The following SEMA6A variants were observed in gnomAD, a reference collection of about 807,000 sequenced individuals.
The protein encoded by SEMA6A is semaphorin-6A.
Under a neutral mutation model 96.8 loss-of-function variants are expected in SEMA6A, and 25 were observed. The observed-to-expected ratio is 0.26, with a 90% confidence interval of 0.19 to 0.36. SEMA6A has a LOEUF of 0.36. SEMA6A is among the 10% of genes least tolerant of loss of function. The pLI is 1.00. For missense variants in SEMA6A, 1,363 were observed against 1,323.1 expected, an observed-to-expected ratio of 1.03 and a Z score of -0.47; for synonymous variants, 612 against 518.0, an observed-to-expected ratio of 1.18 and a Z score of -2.46.
intron 1 of SEMA6A, among the ~76,000 whole-genome samples, chr5:116,519,831 A>G (rs888810846): frequency 6.6e-6 from 1 of 152,256 alleles, no homozygotes; most frequent in Non-Finnish European, 1.5e-5. Context: ...TGTTCTACCT[A>G]CAATCCTCTT....
intron 1 of SEMA6A, among the ~76,000 whole-genome samples, chr5:116,529,296 T>A (rs1331958144): frequency 6.6e-6 from 1 of 152,144 alleles, no homozygotes. Flanking sequence ...AAAGTACAGC[T>A]AGATAGGAGG....
intron 7 of SEMA6A, among the ~76,000 whole-genome samples, chr5:116,489,434 C>A (rs1188590827): frequency 6.6e-6 from 1 of 152,054 alleles, no homozygotes; most frequent in Non-Finnish European, 1.5e-5. Flanking sequence ...AAATTTTAGG[C>A]ACATGCATAA....
chr5:116,474,236 T>C (rs1049743800), intron 16 of SEMA6A, among the ~76,000 whole-genome samples: 1 of 151,624 alleles, frequency 6.6e-6, no homozygotes, highest in African/African-American at 2.4e-5. Context: ...AAATAGCTCA[T>C]TAACATCAGC....
intron 11 of SEMA6A, among the ~76,000 whole-genome samples, chr5:116,481,330 A>T (rs578006930): frequency 6.6e-6 from 1 of 152,264 alleles, no homozygotes; most frequent in South Asian, 2.1e-4. Flanking sequence ...ATCTAGAACT[A>T]TCTAGAAGGT....
chr5:116,540,209 A>G (rs1300854145), intron 1 of SEMA6A, among the ~76,000 whole-genome samples: 2 of 152,246 alleles, frequency 1.3e-5, no homozygotes, highest in Admixed American at 6.5e-5. Flanking sequence ...ATAAAACAGT[A>G]TATTTTAAAT....
chr5:116,492,681 T>A (rs1757385396), intron 6 of SEMA6A, among the ~76,000 whole-genome samples: 1 of 152,232 alleles, frequency 6.6e-6, no homozygotes, highest in Admixed American at 6.5e-5. Flanking sequence ...TTCTAACACA[T>A]TCAGCTTACT....
Position 116,445,963 on chromosome 5 carries a change from A to T in SEMA6A, c.*650T>A, listed in dbSNP as rs1341936335. 1 of 152,672 alleles carries T rather than the reference A, an allele frequency of 6.5e-6. No individual in the cohort carries two copies. The highest frequency in any genetic ancestry group is 1.5e-5 in the Non-Finnish European group (1 of 68,050). 9.5% of individuals were successfully genotyped at this position (152,672 alleles called of 1,614,324 possible). A position where few individuals can be genotyped will look rare whatever the true frequency, so the allele number is the denominator to read the frequency against. On this transcript the variant is annotated 3_prime_UTR_variant, in exon 19 of 19. Coordinates refer to ENST00000343348, the MANE Select transcript of SEMA6A (RefSeq NM_020796.5). ...CGTTATTTCATTAAAAGAGAGGAGGAGCAGAAATCTATGACATAGTTGCCC... is the reference window on the plus strand; with the variant it reads ...CGTTATTTCATTAAAAGAGAGGAGGTGCAGAAATCTATGACATAGTTGCCC...
chr5:116,477,246 A>G (rs1456593993), intron 15 of SEMA6A, among the ~76,000 whole-genome samples: 1 of 151,832 alleles, frequency 6.6e-6, no homozygotes, highest in Non-Finnish European at 1.5e-5. Context: ...CAGGGTAACA[A>G]TTTTAAACAC....
intron 1 of SEMA6A, among the ~76,000 whole-genome samples, chr5:116,537,794 G>C (rs1353994757): frequency 6.6e-6 from 1 of 151,996 alleles, no homozygotes; most frequent in Non-Finnish European, 1.5e-5. Flanking sequence ...AACCATATAA[G>C]TATGCAAGTA....
intron 1 of SEMA6A, among the ~76,000 whole-genome samples, chr5:116,527,600 A>G (rs1331335894): frequency 6.6e-6 from 1 of 152,238 alleles, no homozygotes; most frequent in Middle Eastern, 3.2e-3. Flanking sequence ...GCTGGGAGAA[A>G]GAAGTCGGTA....
chr5:116,521,929 G>T (rs1561514605), intron 1 of SEMA6A, among the ~76,000 whole-genome samples: 2 of 152,152 alleles, frequency 1.3e-5, no homozygotes, highest in Admixed American at 1.3e-4. Flanking sequence ...GAAATGGCTT[G>T]TTTAGGCAAC....
chr5:116,474,571 G>C (rs1756356461), intron 16 of SEMA6A, among the ~76,000 whole-genome samples: 1 of 152,126 alleles, frequency 6.6e-6, no homozygotes, highest in Non-Finnish European at 1.5e-5. Flanking sequence ...TCTGCCTTTA[G>C]CCCTCTTTAT....
chr5:116,480,384 T>C, intron 11 of SEMA6A, 107 bp from the exon 12 acceptor site: 4 of 1,351,940 alleles, frequency 3.0e-6, no homozygotes, highest in Non-Finnish European at 4.1e-6. Context: ...GAGAATGTAC[T>C]GCAGCCTGAG....
intron 1 of SEMA6A, among the ~76,000 whole-genome samples, chr5:116,568,146 T>G (rs537695683): frequency 6.6e-6 from 1 of 152,328 alleles, no homozygotes; most frequent in African/African-American, 2.4e-5. Context: ...GGATCTCTGT[T>G]ATATCCAGGG....
intron 2 of SEMA6A, among the ~76,000 whole-genome samples, chr5:116,504,620 G>A (rs1162007416): frequency 2.6e-5 from 4 of 152,174 alleles, no homozygotes; most frequent in African/African-American, 4.8e-5. Flanking sequence ...TCAGGGTTAC[G>A]AGGGGCGTTT....
rs192532870 is a variant in SEMA6A, at chr5:116,487,611, C to T, written c.744+497G>A. ...AGGTGCGGAGGCTCATGTCTGTAAT[C>T]CCAGCATTTTGGGAGGCTGCAGCAG... On this transcript the variant is annotated intron_variant, in intron 9 of 18. Coordinates refer to ENST00000343348, the MANE Select transcript of SEMA6A (RefSeq NM_020796.5). Among the ~76,000 whole-genome samples the T allele has an allele frequency of 6.6e-5, 10 of 152,190 alleles. No individual in the cohort carries two copies. In the East Asian group the frequency reaches 1.9e-3, roughly 29 times the overall value.
In SEMA6A at chr5:116,482,470, A is replaced by T. The variant is rs1479273515; in HGVS notation, c.1068T>A (p.Val356=). Residue 356 remains valine, a synonymous_variant, in exon 11 of 19, where the codon GTT becomes GTA. Transcript: ENST00000343348. ...TGGGCTTAGGAACTCGTTCATCAGG[A>T]ACTGGTGTCCAGGTGGAATCAGGAG... ...QKSPDSTWTP[V]PDERVPKPRP... The T allele has an allele frequency of 6.2e-7, 1 of 1,613,508 alleles. No homozygotes were observed. The highest frequency in any genetic ancestry group is 1.7e-5 in the Admixed American group (1 of 59,984).
intron 1 of SEMA6A, among the ~76,000 whole-genome samples, chr5:116,526,455 C>T (rs1759228909): frequency 6.6e-6 from 1 of 152,154 alleles, no homozygotes; most frequent in Non-Finnish European, 1.5e-5. Flanking sequence ...CTGGCAAGGG[C>T]AAATGAATGT....
intron 1 of SEMA6A, among the ~76,000 whole-genome samples, chr5:116,513,815 G>C (rs977974158): frequency 2.0e-5 from 3 of 151,894 alleles, no homozygotes; most frequent in African/African-American, 4.8e-5. Context: ...AGTGTGTGCT[G>C]TTCTTCCCCG....
Sources: gnomAD v4.1 joint callset for allele counts (sites outside exome capture counted in the v4.1 genomes callset) on GRCh38, gnomAD v4.1.1 for gene constraint, MANE v1.5 for transcripts, NCBI Gene and HGNC (gene_info 2026-07-23, HGNC 2026-07-21) for gene names.